The following NPC1L1 variants were observed in gnomAD, a reference collection of about 807,000 sequenced individuals.
The protein encoded by NPC1L1 is NPC1-like intracellular cholesterol transporter 1.
NPC1L1 carries 98 observed loss-of-function variants against 117.0 expected under a neutral mutation model. That is an observed-to-expected ratio of 0.84 (90% CI 0.71 to 0.99). NPC1L1 has a LOEUF of 0.99. Ranked by LOEUF, NPC1L1 falls within the 50% of genes least tolerant of loss-of-function variation. The pLI, the probability that NPC1L1 is intolerant of heterozygous loss-of-function variation, is 0.00. For missense variants in NPC1L1, 1,540 were observed against 1,710.0 expected (o/e 0.90, Z 1.75); for synonymous variants, 729 against 727.6 (o/e 1.00, Z -0.03).
chr7:44,527,461 C>CAAAAAAA (rs1160435212), intron 10 of NPC1L1, among the ~76,000 whole-genome samples: 4 of 40,092 alleles, frequency 1.0e-4, no homozygotes, highest in Admixed American at 2.8e-4. Context: ...AACAACTTCT[C>CAAAAAAA]AAAAAAAAAA....
At chr7:44,527,818 A>G (rs1390555220) in intron 10 of NPC1L1, among the ~76,000 whole-genome samples, 1 of 152,190 alleles carries the variant, frequency 6.6e-6, no homozygotes, top group Non-Finnish European at 1.5e-5. Context: ...TTGGATACAT[A>G]ATGCATAAAA....
chr7:44,520,040 G>A (rs1043393965), intron 14 of NPC1L1, among the ~76,000 whole-genome samples: 1 of 152,122 alleles, frequency 6.6e-6, no homozygotes, highest in Admixed American at 6.6e-5. Context: ...AGCACTTTGG[G>A]AGGCCAAGGC....
chr7:44,516,440 C>T (rs903360209), intron 16 of NPC1L1, among the ~76,000 whole-genome samples: 3 of 152,102 alleles, frequency 2.0e-5, no homozygotes, highest in African/African-American at 7.2e-5. Context: ...CCTGTCTCTA[C>T]AACAAAAATT....
Position 44,532,117 on chromosome 7 carries a change from G to T in NPC1L1, c.2510C>A (p.Ala837Asp). Residue 837 changes from alanine (A) to aspartate (D), a missense_variant, in exon 9 of 19, where the codon GCC (alanine) becomes GAC (aspartate). Ala to Asp is a moderately radical substitution (Grantham distance 126, BLOSUM62 -2). Around this residue, in one of 3 missense-constraint regions of NPC1L1, gnomAD observed 742 missense variants for 873.6 expected, o/e 0.85. Coordinates refer to ENST00000381160, the MANE Select transcript of NPC1L1 (RefSeq NM_001101648.2). Reference protein sequence around the residue: ...LLLGFFQKAYAPFLLHWITRG... With the variant: ...LLLGFFQKAYDPFLLHWITRG... The stretch of plus-strand genomic sequence containing the variant: ...AGTGATCCAGTGCAGCAGGAAGGGG[G>T]CATAAGCCTTTTGGAAGAAGCCAAG... The T allele has an allele frequency of 6.2e-7, 1 of 1,614,186 alleles. No homozygotes were observed. The highest frequency in any genetic ancestry group is 8.5e-7 in the Non-Finnish European group (1 of 1,180,046).
At chr7:44,527,464 A>AAG (rs2117047253) in intron 10 of NPC1L1, among the ~76,000 whole-genome samples, 1 of 144,816 alleles carries the variant, frequency 6.9e-6, no homozygotes, top group African/African-American at 2.7e-5. Context: ...AACTTCTCAA[A>AAG]AAAAAAAAAA....
chr7:44,535,611 G>C (rs1801857459), intron 5 of NPC1L1, among the ~76,000 whole-genome samples: 1 of 151,958 alleles, frequency 6.6e-6, no homozygotes. Context: ...AAAGAGAAGA[G>C]AAAAGAAAAG....
In NPC1L1 at chr7:44,513,935, CTCTTATG is replaced by C; in HGVS notation, c.3797-293_3797-287del. ...CCCACGACTGCTCCTCCTTGCCCCTCTCTTATGTCTCATCCACCACCCCCAGCGCACA... is the reference window on the plus strand; with the variant it reads ...CCCACGACTGCTCCTCCTTGCCCCTCTCTCATCCACCACCCCCAGCGCACA... On this transcript the variant is annotated intron_variant, in intron 18 of 18. Transcript: ENST00000381160. Among the ~76,000 whole-genome samples, 2 of 152,290 alleles carry C rather than the reference CTCTTATG, an allele frequency of 1.3e-5. 1 individual carries two copies. Among genetic ancestry groups the C allele is most frequent in the South Asian group, 4.1e-4 (2 of 4,824 alleles).
intron 10 of NPC1L1, among the ~76,000 whole-genome samples, chr7:44,524,569 A>G (rs1275645335): frequency 6.6e-6 from 1 of 152,114 alleles, no homozygotes; most frequent in Non-Finnish European, 1.5e-5. Flanking sequence ...AGCCTGGCTA[A>G]TATGGTGAAA....
Position 44,521,743 on chromosome 7 carries a change from G to A in NPC1L1, c.2922C>T (p.Pro974=), listed in dbSNP as rs1801360195. 6.2e-7 allele frequency: 1 copy of A among 1,614,156 alleles called. No homozygotes were observed. Among genetic ancestry groups the A allele is most frequent in the South Asian group, 1.1e-5 (1 of 91,080 alleles). Residue 974 remains proline (P), a synonymous_variant, in exon 12 of 19, where the codon CCC becomes CCT. Coordinates refer to ENST00000381160, the MANE Select transcript of NPC1L1 (RefSeq NM_001101648.2). Reference sequence around the variant, plus strand: ...TCGAGGGGCAGAACTTGTCCTTATTGGGGCCAGATATATAAAGGCGGCAGC... The same window carrying A: ...TCGAGGGGCAGAACTTGTCCTTATTAGGGCCAGATATATAAAGGCGGCAGC... ...SSCCRLYISG[P]NKDKFCPSTV...
At position 44,534,363 on chromosome 7, in the gene NPC1L1, T is replaced by C. The variant is rs1191915269; in HGVS notation, c.2166+84A>G. 1 of 1,385,408 alleles carries C rather than the reference T, an allele frequency of 7.2e-7. No homozygotes were observed. Among genetic ancestry groups the C allele is most frequent in the African/African-American group, 1.4e-5 (1 of 70,390 alleles). 85.8% of individuals were successfully genotyped at this position (1,385,408 alleles called of 1,614,324 possible). On this transcript the variant is annotated intron_variant, in intron 6 of 18. Transcript: ENST00000381160. This position sits in a 1 kb window ranked among gnomAD's most constrained non-coding sequence, Gnocchi z 5.2. ...GAGTCTGCAGGGAGACCCAGCAAAT[T>C]CACGCCAGAGTCCCATCAGGCCAGG...
chr7:44,527,816 A>G (rs1055116595), intron 10 of NPC1L1, among the ~76,000 whole-genome samples: 4 of 152,238 alleles, frequency 2.6e-5, no homozygotes, highest in African/African-American at 4.8e-5. Flanking sequence ...TTTTGGATAC[A>G]TAATGCATAA....
At position 44,516,049 on chromosome 7, in the gene NPC1L1, G is replaced by C. The variant is rs778389218; in HGVS notation, c.3633+35C>G. 3.1e-6 allele frequency: 5 copies of C among 1,607,198 alleles called. No homozygotes were observed. The South Asian group carries it at 5.5e-5, about 18-fold the overall frequency. On this transcript the variant is annotated intron_variant, in intron 17 of 18. Transcript: ENST00000381160. ...CATCAGGCAGGGCACAGGGTGTCGA[G>C]TGGGGCACAGGGTGGCCCACTCCTC...
chr7:44,513,642 G>T lies in NPC1L1; in HGVS notation c.3804C>A (p.Asp1268Glu). 6.2e-7 allele frequency: 1 copy of T among 1,612,588 alleles called. No homozygotes were observed. Among genetic ancestry groups the T allele is most frequent in the Non-Finnish European group, 8.5e-7 (1 of 1,180,006 alleles). The change falls in exon 19 of 19, where the codon GAC becomes GAA. Residue 1268 changes from aspartate (D) to glutamate (E), a missense_variant. By Grantham distance (45) the Asp-to-Glu change is conservative (BLOSUM62 2). This residue lies in a region of NPC1L1 where 742 missense variants were observed against 873.6 expected (regional missense o/e 0.85). Coordinates refer to ENST00000381160, the MANE Select transcript of NPC1L1 (RefSeq NM_001101648.2). ...GCTCCAGTGCCAGAGCCGGGTTAAC[G>T]TCAGGCCCTGCGGAGAGACAGAGAA... is the stretch of plus-strand genomic sequence containing the variant. ...LPVILSYVGPDVNPALALEQK... is the reference protein window; with the variant it reads ...LPVILSYVGPEVNPALALEQK...
At position 44,536,966 on chromosome 7, in the gene NPC1L1, G is replaced by C; in HGVS notation, c.1581-24C>G. On this transcript the variant is annotated intron_variant, in intron 2 of 18. Transcript: ENST00000381160. The surrounding 1 kb of genome is among the most constrained non-coding windows in gnomAD (Gnocchi z 4.7). ...CACTAGAGGGAGATGACCGCAAAGGGAAAGGGCCTTTCCTGGCCCTGCCCA... is the reference window on the plus strand; with the variant it reads ...CACTAGAGGGAGATGACCGCAAAGGCAAAGGGCCTTTCCTGGCCCTGCCCA... 6.2e-7 allele frequency: 1 copy of C among 1,602,858 alleles called. No individual in the cohort carries two copies. The highest frequency in any genetic ancestry group is 8.5e-7 in the Non-Finnish European group (1 of 1,171,168).
rs781034910 is a variant in NPC1L1 at position 44,538,773 on chromosome 7, C to A, written c.1580+44G>T. ...CCCAGGAGGCCATGGCAGCCCAGCC[C>A]CAGCCCCAGCCCACTCCTCGCTTGG... is the stretch of plus-strand genomic sequence containing the variant. On this transcript the variant is annotated intron_variant, in intron 2 of 18. Transcript: ENST00000381160. This position sits in a 1 kb window ranked among gnomAD's most constrained non-coding sequence, Gnocchi z 5.9. The A allele has an allele frequency of 3.1e-6, 5 of 1,602,330 alleles. No individual in the cohort carries two copies. In the African/African-American group the frequency reaches 6.7e-5, roughly 21 times the overall value.
At chr7:44,527,935 A>T (rs1158622424) in intron 10 of NPC1L1, among the ~76,000 whole-genome samples, 1 of 151,932 alleles carries the variant, frequency 6.6e-6, no homozygotes, top group East Asian at 1.9e-4. Context: ...AGCAATTCTC[A>T]TGTCTCAGCC....
intron 10 of NPC1L1, among the ~76,000 whole-genome samples, chr7:44,529,834 G>C (rs994171436): frequency 1.3e-5 from 2 of 151,112 alleles, no homozygotes; most frequent in African/African-American, 4.9e-5. Context: ...CAGAGTTCGA[G>C]ACCAGCCTGG....
At chr7:44,514,390 G>A (rs968397862) in intron 18 of NPC1L1, among the ~76,000 whole-genome samples, 3 of 152,158 alleles carry the variant, frequency 2.0e-5, no homozygotes, top group African/African-American at 4.8e-5. Flanking sequence ...TAATGAGACC[G>A]GGTGCGGTGG....
chr7:44,533,521 G>A lies in NPC1L1; in HGVS notation c.2319C>T (p.Ala773=). 1 of 1,614,228 alleles carries A rather than the reference G, an allele frequency of 6.2e-7. No homozygotes were observed. The highest frequency in any genetic ancestry group is 8.5e-7 in the Non-Finnish European group (1 of 1,180,044). ...LTPMPAVRTF[A]LTSGLAVILD... Reference sequence around the variant, plus strand: ...GGATCACTGCAAGGCCAGAGGTCAGGGCAAAGGTCCGCACAGCTGGCATGG... The same window carrying A: ...GGATCACTGCAAGGCCAGAGGTCAGAGCAAAGGTCCGCACAGCTGGCATGG... The change falls in exon 8 of 19, where the codon GCC becomes GCT. Residue 773 remains alanine, a synonymous_variant. Coordinates refer to ENST00000381160, the MANE Select transcript of NPC1L1 (RefSeq NM_001101648.2).
Sources: gnomAD v4.1 joint callset for allele counts (sites outside exome capture counted in the v4.1 genomes callset) on GRCh38, gnomAD v4.1.1 for gene constraint, gnomAD v4.1.1 regional missense constraint, Gnocchi (gnomAD v3.1) non-coding constraint, MANE v1.5 for transcripts, NCBI Gene and HGNC (gene_info 2026-07-23, HGNC 2026-07-21) for gene names.